Variants in HYDIN observed in about 807,000 individuals in gnomAD.
HYDIN encodes axonemal central pair apparatus protein HYDIN.
Under a neutral mutation model 403.9 loss-of-function variants are expected in HYDIN, and 132 were observed. The observed-to-expected ratio is 0.33, with a 90% CI of 0.28 to 0.38. The LOEUF is 0.38. HYDIN is among the 10% of genes least tolerant of loss of function. The pLI is 1.00. For synonymous variants in HYDIN, 1,202 were observed against 1,891.7 expected (o/e 0.64, Z 9.46); for missense variants, 2,827 against 5,009.5 (o/e 0.56, Z 13.15).
At chr16:70,840,691 C>A (rs1250186159) in intron 75 of HYDIN, among the ~76,000 whole-genome samples, 2 of 152,184 alleles carry the variant, frequency 1.3e-5, no homozygotes, top group Non-Finnish European at 2.9e-5. Flanking sequence ...AGAGGCAAAG[C>A]CTTTCTGGGG....
rs1598088074 is a variant in HYDIN at position 71,230,571 on chromosome 16, C to T, written c.-33G>A. 3.3e-6 allele frequency: 5 copies of T among 1,535,424 alleles called. No homozygotes were observed. The highest frequency in any genetic ancestry group is 1.2e-5 in the South Asian group (1 of 83,960). ...TGCGAGGACCTCTGACCTTGGTGCA[C>T]TCCGGGTCCCACGTTTATTCTACCT... is the stretch of plus-strand genomic sequence containing the variant. On this transcript the variant is annotated 5_prime_UTR_variant, in exon 1 of 86. It adds an upstream start codon to the 5' untranslated region. Transcript: ENST00000393567.
At chr16:71,119,707 A>G (rs1208237301) in intron 9 of HYDIN, among the ~76,000 whole-genome samples, 1 of 151,836 alleles carries the variant, frequency 6.6e-6, no homozygotes, top group Non-Finnish European at 1.5e-5. Flanking sequence ...GGAGTTAGGA[A>G]CATGCAGGAT....
At chr16:70,976,643 C>CA (rs930071084) in intron 30 of HYDIN, among the ~76,000 whole-genome samples, 1 of 147,926 alleles carries the variant, frequency 6.8e-6, no homozygotes, top group Admixed American at 6.8e-5. Context: ...TGGGAAAACC[C>CA]TTTTTTTTTC....
intron 84 of HYDIN, among the ~76,000 whole-genome samples, chr16:70,810,717 C>A (rs1182042778): frequency 6.6e-6 from 1 of 152,102 alleles, no homozygotes; most frequent in Non-Finnish European, 1.5e-5. Context: ...GTAGTCCCAG[C>A]TACTCGGGAG....
intron 12 of HYDIN, among the ~76,000 whole-genome samples, chr16:71,083,686 C>G (rs1372782663): frequency 6.6e-6 from 1 of 151,990 alleles, no homozygotes; most frequent in African/African-American, 2.4e-5. Context: ...TAAAAAATTT[C>G]CAGAAACAAA....
At chr16:71,202,076 T>C (rs1287095112) in intron 1 of HYDIN, among the ~76,000 whole-genome samples, 2 of 152,240 alleles carry the variant, frequency 1.3e-5, no homozygotes, top group Non-Finnish European at 2.9e-5. Flanking sequence ...CTATCTTATA[T>C]GCCTTTGATT....
intron 18 of HYDIN, among the ~76,000 whole-genome samples, chr16:71,058,619 TAAAAAA>T (rs200369366): frequency 1.6e-5 from 2 of 128,368 alleles, no homozygotes; most frequent in South Asian, 5.0e-4. Flanking sequence ...TAAATAAAAT[TAAAAAA>T]AAAAAAAAAA....
At chr16:71,072,455 C>G (rs1015981940) in intron 13 of HYDIN, among the ~76,000 whole-genome samples, 1 of 152,220 alleles carries the variant, frequency 6.6e-6, no homozygotes. Flanking sequence ...GACTAAGAAA[C>G]TGTAGACTAT....
rs1239182903 is a variant in HYDIN at position 71,079,962 on chromosome 16, GGAA to G, written c.1671-13_1671-11del. 1 of 891,864 alleles carries G rather than the reference GGAA, an allele frequency of 1.1e-6. No homozygotes were observed. Among genetic ancestry groups the G allele is most frequent in the East Asian group, 2.5e-5 (1 of 39,510 alleles). 55.2% of individuals were successfully genotyped at this position (891,864 alleles called of 1,614,324 possible). On this transcript the variant is annotated splice_polypyrimidine_tract_variant and intron_variant, in intron 12 of 85. Transcript: ENST00000393567. ...TCCAATGACACAGCCTCTGGAAGGA[GGAA>G]TACAAGGTGGGGGAGAGGGAGAGAA... is the stretch of plus-strand genomic sequence containing the variant.
chr16:70,868,505 C>T (rs1420529558), intron 66 of HYDIN, 65 bp downstream of exon 66: 20 of 1,526,398 alleles, frequency 1.3e-5, no homozygotes, highest in Non-Finnish European at 1.7e-5. Context: ...TGATGAGGGA[C>T]TTGAGACCAG....
intron 9 of HYDIN, among the ~76,000 whole-genome samples, chr16:71,124,262 C>A (rs1007833354): frequency 3.0e-4 from 46 of 152,234 alleles, no homozygotes; most frequent in Non-Finnish European, 5.4e-4. Context: ...GGGACACAAC[C>A]TGCGGCCACA....
intron 40 of HYDIN, among the ~76,000 whole-genome samples, chr16:70,954,468 A>AGAAAAC (rs33979737): frequency 2.0e-5 from 3 of 149,736 alleles, no homozygotes; most frequent in Admixed American, 1.3e-4. Context: ...AAAAAAAAAA[A>AGAAAAC]AAAGAAAGAA....
chr16:71,173,276 A>G (rs2086540609), intron 5 of HYDIN, among the ~76,000 whole-genome samples: 1 of 152,248 alleles, frequency 6.6e-6, no homozygotes, highest in Non-Finnish European at 1.5e-5. Context: ...AAGTAACAGT[A>G]TAACAACATT....
chr16:70,979,589 G>A (rs970567344), intron 29 of HYDIN, among the ~76,000 whole-genome samples: 3 of 152,172 alleles, frequency 2.0e-5, no homozygotes, highest in African/African-American at 7.2e-5. Flanking sequence ...CACTACGCCC[G>A]TGCAAATTCA....
intron 83 of HYDIN, among the ~76,000 whole-genome samples, chr16:70,824,651 G>C (rs996113259): frequency 6.7e-6 from 1 of 149,480 alleles, no homozygotes; most frequent in African/African-American, 2.5e-5. Context: ...CCTCAATATG[G>C]GGTTTCACCA....
intron 10 of HYDIN, among the ~76,000 whole-genome samples, chr16:71,097,798 G>A (rs1260656531): frequency 3.3e-5 from 5 of 150,534 alleles, no homozygotes; most frequent in African/African-American, 7.4e-5. Flanking sequence ...CATTTTGAAC[G>A]TTCAAAATAC....
At chr16:70,904,629 T>C (rs1440834546) in intron 50 of HYDIN, among the ~76,000 whole-genome samples, 1 of 132,822 alleles carries the variant, frequency 7.5e-6, no homozygotes, top group East Asian at 2.1e-4. Context: ...GCCTCCCAAG[T>C]AGCTGGGATT....
chr16:71,148,007 GA>G (rs1222647369), intron 7 of HYDIN, among the ~76,000 whole-genome samples: 1 of 61,760 alleles, frequency 1.6e-5, no homozygotes, highest in African/African-American at 6.6e-5. Flanking sequence ...CCAAATTCTT[GA>G]ACAAAATATT....
At chr16:71,083,580 C>T (rs1377213952) in intron 12 of HYDIN, among the ~76,000 whole-genome samples, 1 of 141,108 alleles carries the variant, frequency 7.1e-6, no homozygotes, top group Non-Finnish European at 1.5e-5. Flanking sequence ...CTCATTCCTC[C>T]ACCTTTTCAC....
Sources: allele counts gnomAD v4.1 joint callset (sites outside exome capture counted in the v4.1 genomes callset), GRCh38; gene constraint gnomAD v4.1.1; transcripts MANE v1.5; gene names NCBI Gene and HGNC (gene_info 2026-07-23, HGNC 2026-07-21).